Variants in GNAL observed in about 807,000 individuals in gnomAD.
GNAL encodes G protein subunit alpha L, also known as guanine nucleotide-binding protein G(olf) subunit alpha.
GNAL carries 18 observed loss-of-function variants against 55.1 expected under a neutral mutation model. That is an observed-to-expected ratio of 0.33 (90% CI 0.23 to 0.48). The LOEUF is 0.48. GNAL is among the 20% of genes least tolerant of loss of function. The pLI is 0.99. For synonymous variants in GNAL, 253 were observed against 237.0 expected (o/e 1.07, Z -0.62); for missense variants, 412 against 614.1 (o/e 0.67, Z 3.48).
intron 10 of GNAL, among the ~76,000 whole-genome samples, chr18:11,875,716 A>C (rs1281985268): frequency 6.6e-6 from 1 of 152,206 alleles, no homozygotes; most frequent in Non-Finnish European, 1.5e-5. Context: ...AGCCTGCAGA[A>C]CCATGAGCCA....
At position 11,756,561 on chromosome 18, in the gene GNAL, G is replaced by A. The variant is rs1193043584; in HGVS notation, c.624+2616G>A. ...ATTTATATATTTTTAACATAGCCCC[G>A]ACTTATGACTTATATAAATCAGGAA... On this transcript the variant is annotated intron_variant, in intron 4 of 11. Transcript: ENST00000334049. Among the ~76,000 whole-genome samples the A allele has an allele frequency of 2.6e-5, 4 of 151,408 alleles. 1 individual carries two copies. Among genetic ancestry groups the A allele is most frequent in the South Asian group, 2.1e-4 (1 of 4,806 alleles).
At chr18:11,871,946 G>T (rs975214928) in intron 9 of GNAL, among the ~76,000 whole-genome samples, 2 of 152,190 alleles carry the variant, frequency 1.3e-5, no homozygotes, top group African/African-American at 2.4e-5. Context: ...ATACTTACTA[G>T]TCCAGCATCC....
At chr18:11,818,436 A>T (rs1391280376) in intron 4 of GNAL, among the ~76,000 whole-genome samples, 1 of 152,238 alleles carries the variant, frequency 6.6e-6, no homozygotes, top group Non-Finnish European at 1.5e-5. Context: ...TACTGTCCTG[A>T]AACTGCCTGT....
At position 11,788,921 on chromosome 18, in the gene GNAL, A is replaced by ATATATATATG. The variant is rs1555650661; in HGVS notation, c.624+34985_624+34986insGTATATATAT. ...CGAAAAAAAAAAAAAAAAAATATAT[A>ATATATATATG]TATATATATATATATACACATATAT... On this transcript the variant is annotated intron_variant, in intron 4 of 11. Coordinates refer to ENST00000334049, the MANE Select transcript of GNAL (RefSeq NM_182978.4). 2.8e-3 allele frequency among the ~76,000 whole-genome samples: 354 copies of ATATATATATG among 126,670 alleles called. 8 individuals are homozygous for ATATATATATG. Among genetic ancestry groups the ATATATATATG allele is most frequent in the African/African-American group, 9.5e-3 (319 of 33,510 alleles). The allele number at this position is 126,670 out of a possible 152,430, so 83.1% of individuals were successfully genotyped here.
At chr18:11,736,671 C>T (rs556188597) in intron 1 of GNAL, among the ~76,000 whole-genome samples, 1 of 152,304 alleles carries the variant, frequency 6.6e-6, no homozygotes, top group African/African-American at 2.4e-5. Flanking sequence ...CCCATGTCAA[C>T]TGCAGGGTGT....
At chr18:11,779,719 G>A (rs904771758) in intron 4 of GNAL, among the ~76,000 whole-genome samples, 16 of 152,166 alleles carry the variant, frequency 1.1e-4, no homozygotes, top group African/African-American at 3.6e-4. Flanking sequence ...CTAGGCTGGG[G>A]GTAGTCTGGA....
intron 1 of GNAL, among the ~76,000 whole-genome samples, chr18:11,699,944 C>T (rs59863423): frequency 2.1e-3 from 327 of 152,282 alleles, no homozygotes; most frequent in African/African-American, 7.5e-3. Context: ...CCTGTCGGGG[C>T]AGGGAGTACA....
At position 11,750,390 on chromosome 18, in the gene GNAL, C is replaced by A. The variant is rs531573005; in HGVS notation, c.377-2463C>A. Among the ~76,000 whole-genome samples the A allele has an allele frequency of 1.4e-4, 21 of 152,064 alleles. No individual in the cohort carries two copies. In the South Asian group the frequency reaches 4.2e-3, roughly 30 times the overall value. On this transcript the variant is annotated intron_variant, in intron 1 of 11. Transcript: ENST00000334049. ...CAGGATGGGCTGGGCTAGGGATCCG[C>A]GGTGGGCACGGTGAGAGCTGAGTGG...
intron 1 of GNAL, among the ~76,000 whole-genome samples, chr18:11,706,346 T>A (rs995170335): frequency 1.3e-5 from 2 of 152,148 alleles, no homozygotes; most frequent in East Asian, 3.9e-4. Flanking sequence ...CACCTTAATT[T>A]AAAAATATTG....
chr18:11,695,920 A>ACGCACGCACG lies in GNAL; in HGVS notation c.376+5981_376+5982insCGCACGCACG, dbSNP rs1567988349. Among the ~76,000 whole-genome samples the ACGCACGCACG allele has an allele frequency of 1.8e-3, 249 of 140,946 alleles. 1 individual carries two copies. The highest frequency in any genetic ancestry group is 7.3e-3 in the African/African-American group (235 of 32,006). The allele number at this position is 140,946 out of a possible 152,430, so 92.5% of individuals were successfully genotyped here. On this transcript the variant is annotated intron_variant, in intron 1 of 11. Coordinates refer to ENST00000334049, the MANE Select transcript of GNAL (RefSeq NM_182978.4). ...CACATGCTCAGACATGCATGCACGC[A>ACGCACGCACG]TGCACACACACACACACACACACAC... is the stretch of plus-strand genomic sequence containing the variant.
intron 1 of GNAL, among the ~76,000 whole-genome samples, chr18:11,711,076 C>T (rs2031827513): frequency 2.0e-5 from 3 of 152,090 alleles, no homozygotes; most frequent in South Asian, 2.1e-4. Flanking sequence ...GAGGTTTCAC[C>T]GTGTTAGCCA....
intron 5 of GNAL, among the ~76,000 whole-genome samples, chr18:11,860,862 G>A (rs897860817): frequency 6.6e-6 from 1 of 152,154 alleles, no homozygotes; most frequent in African/African-American, 2.4e-5. Context: ...GGGACAGAGC[G>A]GGAGGTCAGC....
intron 1 of GNAL, among the ~76,000 whole-genome samples, chr18:11,720,300 CATA>C (rs2032064472): frequency 6.6e-6 from 1 of 152,030 alleles, no homozygotes; most frequent in Admixed American, 6.5e-5. Flanking sequence ...AAATCTAAAA[CATA>C]AAACAAAAAT....
chr18:11,792,210 G>A (rs745678968), intron 4 of GNAL, among the ~76,000 whole-genome samples: 1 of 150,062 alleles, frequency 6.7e-6, no homozygotes, highest in African/African-American at 2.5e-5. Flanking sequence ...CCTTCCTTCC[G>A]TCTTACCCTG....
chr18:11,746,222 C>T (rs942816348), intron 1 of GNAL: 11 of 516,616 alleles, frequency 2.1e-5, no homozygotes, highest in African/African-American at 3.9e-5. Flanking sequence ...ACAACCTCTG[C>T]ATGCCTTCTG....
At chr18:11,778,902 A>G (rs1251145375) in intron 4 of GNAL, among the ~76,000 whole-genome samples, 3 of 152,162 alleles carry the variant, frequency 2.0e-5, no homozygotes, top group Admixed American at 6.5e-5. Context: ...CTAGTGGTCA[A>G]ATGAAAAACG....
intron 4 of GNAL, among the ~76,000 whole-genome samples, chr18:11,799,082 C>T (rs1429000969): frequency 6.6e-6 from 1 of 151,244 alleles, no homozygotes; most frequent in Non-Finnish European, 1.5e-5. Context: ...CACTGCACTC[C>T]AGCCTGGGCA....
rs1052103489 is a variant in GNAL, at chr18:11,768,134, G to A, written c.624+14189G>A. On this transcript the variant is annotated intron_variant, in intron 4 of 11. Coordinates refer to ENST00000334049, the MANE Select transcript of GNAL (RefSeq NM_182978.4). ...TTTTTCCACTAAACATGCCTTTACT[G>A]AGGACAGGAACTTGACATGGCATTT... 2.0e-5 allele frequency among the ~76,000 whole-genome samples: 3 copies of A among 152,284 alleles called. No individual in the cohort carries two copies. In the East Asian group the frequency reaches 5.8e-4, roughly 29 times the overall value.
intron 1 of GNAL, among the ~76,000 whole-genome samples, chr18:11,702,512 G>A (rs1001943646): frequency 6.6e-6 from 1 of 152,172 alleles, no homozygotes; most frequent in Non-Finnish European, 1.5e-5. Context: ...TATTGAGAAG[G>A]ACGTCAGTGC....
Sources: gnomAD v4.1 joint callset for allele counts (sites outside exome capture counted in the v4.1 genomes callset) on GRCh38, gnomAD v4.1.1 for gene constraint, MANE v1.5 for transcripts, NCBI Gene and HGNC (gene_info 2026-07-23, HGNC 2026-07-21) for gene names.